Variants in ANAPC16 observed in about 807,000 individuals in gnomAD.
The protein encoded by ANAPC16 is anaphase-promoting complex subunit 16.
A neutral mutation model predicts 13.1 loss-of-function variants in ANAPC16; 6 were observed. That is an observed-to-expected ratio of 0.46 (90% CI 0.25 to 0.90). The LOEUF is 0.90. ANAPC16 is among the 40% of genes least tolerant of loss of function. ANAPC16 has a pLI of 0.18. For synonymous variants in ANAPC16, 55 were observed against 51.3 expected (o/e 1.07, Z -0.31); for missense variants, 113 against 131.1 (o/e 0.86, Z 0.67).
intron 1 of ANAPC16, among the ~76,000 whole-genome samples, chr10:72,219,334 A>G (rs1300235547): frequency 2.0e-5 from 3 of 152,164 alleles, no homozygotes; most frequent in Non-Finnish European, 2.9e-5. Flanking sequence ...GTAGTCCGGA[A>G]GATTGGATAT....
chr10:72,229,538 T>G (rs1165077255), intron 2 of ANAPC16, among the ~76,000 whole-genome samples: 1 of 152,160 alleles, frequency 6.6e-6, no homozygotes, highest in African/African-American at 2.4e-5. Flanking sequence ...CCCGTTTGTT[T>G]TAGGATTTTC....
intron 2 of ANAPC16, among the ~76,000 whole-genome samples, chr10:72,228,252 C>T (rs187652944): frequency 1.3e-4 from 20 of 152,300 alleles, no homozygotes; most frequent in Admixed American, 3.3e-4. Context: ...AGACACCTCA[C>T]ATAAGCAGCA....
chr10:72,230,841 G>A (rs754853841), intron 3 of ANAPC16, among the ~76,000 whole-genome samples: 60 of 152,022 alleles, frequency 3.9e-4, no homozygotes, highest in Non-Finnish European at 7.6e-4. Flanking sequence ...CAATGAGCCG[G>A]AATCACAGCA....
At chr10:72,220,691 A>G (rs1221530225) in intron 1 of ANAPC16, 1 of 147,536 alleles carries the variant, frequency 6.8e-6, no homozygotes, top group African/African-American at 2.6e-5. Flanking sequence ...TTTATAATAA[A>G]TATGTTCATT....
chr10:72,220,405 CTT>C (rs1470017089), intron 1 of ANAPC16: 1 of 151,266 alleles, frequency 6.6e-6, no homozygotes, highest in Non-Finnish European at 1.5e-5. Flanking sequence ...AATCCCAACA[CTT>C]TGGGAGGCCA....
intron 1 of ANAPC16, among the ~76,000 whole-genome samples, chr10:72,221,091 A>G (rs568388947): frequency 1.3e-5 from 2 of 151,980 alleles, no homozygotes; most frequent in East Asian, 1.9e-4. Flanking sequence ...TCATTTTTGT[A>G]TTTTAATAGA....
rs1224739544 is a variant in ANAPC16, at chr10:72,235,202, A to C, written c.*2086A>C. 2 of 151,316 alleles carry C rather than the reference A, an allele frequency of 1.3e-5. No individual in the cohort carries two copies. Among genetic ancestry groups the C allele is most frequent in the African/African-American group, 2.4e-5 (1 of 41,214 alleles). 9.4% of individuals were successfully genotyped at this position (151,316 alleles called of 1,614,324 possible). ...GGTGGCTCACGCCTGTAATCCCGGCACTTTGGGAGGCTGAGGCAGGCGGAT... is the reference window on the plus strand; with the variant it reads ...GGTGGCTCACGCCTGTAATCCCGGCCCTTTGGGAGGCTGAGGCAGGCGGAT... On this transcript the variant is annotated 3_prime_UTR_variant, in exon 4 of 4. Coordinates refer to ENST00000299381, the MANE Select transcript of ANAPC16 (RefSeq NM_173473.4).
intron 1 of ANAPC16, among the ~76,000 whole-genome samples, chr10:72,221,857 G>T (rs11000223): frequency 0.042 from 6,318 of 150,494 alleles, 139 homozygotes; most frequent in South Asian, 0.061. Flanking sequence ...AGCCTCTCAA[G>T]TAGCTGGGAT....
chr10:72,219,714 GA>G (rs1306491005), intron 1 of ANAPC16, among the ~76,000 whole-genome samples: 1 of 152,162 alleles, frequency 6.6e-6, no homozygotes, highest in Non-Finnish European at 1.5e-5. Context: ...TCCAGCCTGG[GA>G]AACATAGCGA....
In ANAPC16 at chr10:72,234,174, T is replaced by G. The variant is rs2133701437; in HGVS notation, c.*1058T>G. ...GGCACCCGCCACCACACCCAGCTAA[T>G]TTTTTGTATATTTAGTAGAGACGGG... On this transcript the variant is annotated 3_prime_UTR_variant, in exon 4 of 4. Coordinates refer to ENST00000299381, the MANE Select transcript of ANAPC16 (RefSeq NM_173473.4). The G allele has an allele frequency of 6.6e-6, 1 of 152,316 alleles. No individual in the cohort carries two copies. The highest frequency in any genetic ancestry group is 2.1e-4 in the South Asian group (1 of 4,824). 9.4% of individuals were successfully genotyped at this position (152,316 alleles called of 1,614,324 possible).
At chr10:72,220,337 A>AAAAAAAAAAAAAAAAAAAC (rs1859864471) in intron 1 of ANAPC16, 1 of 151,600 alleles carries the variant, frequency 6.6e-6, no homozygotes, top group African/African-American at 2.4e-5. Flanking sequence ...AAAAAAAAAA[A>AAAAAAAAAAAAAAAAAAAC]AAAAAAGAAG....
chr10:72,231,413 A>T (rs1860299037), intron 3 of ANAPC16, among the ~76,000 whole-genome samples: 1 of 152,092 alleles, frequency 6.6e-6, no homozygotes, highest in South Asian at 2.1e-4. Flanking sequence ...ATGGTGGTGC[A>T]TGCCTGTGGT....
chr10:72,219,470 T>C (rs1341674160), intron 1 of ANAPC16, among the ~76,000 whole-genome samples: 3 of 152,136 alleles, frequency 2.0e-5, no homozygotes, highest in Middle Eastern at 3.2e-3. Context: ...GCAGAGTGGC[T>C]CAGGCCTGTA....
chr10:72,233,779 G>T lies in ANAPC16; in HGVS notation c.*663G>T, dbSNP rs1176861636. On this transcript the variant is annotated 3_prime_UTR_variant, in exon 4 of 4. Coordinates refer to ENST00000299381, the MANE Select transcript of ANAPC16 (RefSeq NM_173473.4). The stretch of plus-strand genomic sequence containing the variant: ...ACAGAAATCCTGAGTTCTTCTCATT[G>T]GTGGACTCAAGCAATTCTGTAGCAA... The T allele has an allele frequency of 1.3e-5, 2 of 152,524 alleles. No homozygotes were observed. Among genetic ancestry groups the T allele is most frequent in the African/African-American group, 4.8e-5 (2 of 41,436 alleles). 9.4% of individuals were successfully genotyped at this position (152,524 alleles called of 1,614,324 possible).
intron 2 of ANAPC16, among the ~76,000 whole-genome samples, chr10:72,229,794 G>A (rs1222461430): frequency 6.6e-6 from 1 of 152,128 alleles, no homozygotes; most frequent in Non-Finnish European, 1.5e-5. Context: ...TACTCTTATC[G>A]TCATCCAAAT....
intron 1 of ANAPC16, among the ~76,000 whole-genome samples, chr10:72,222,658 T>C (rs1859985634): frequency 6.6e-6 from 1 of 152,066 alleles, no homozygotes; most frequent in Non-Finnish European, 1.5e-5. Flanking sequence ...ATGCCTGTAA[T>C]TCCAGCTACT....
Position 72,234,338 on chromosome 10 carries a change from A to G in ANAPC16, c.*1222A>G, listed in dbSNP as rs112124969. 987 of 152,106 alleles carry G rather than the reference A, an allele frequency of 6.5e-3. 16 individuals are homozygous for G. The highest frequency in any genetic ancestry group is 0.023 in the African/African-American group (945 of 41,456). 9.4% of individuals were successfully genotyped at this position (152,106 alleles called of 1,614,324 possible). ...TTTTTTAAAGAGACATGGTCTTGCT[A>G]TGTTGCCCAGGTTGGTCTTGAACTC... On this transcript the variant is annotated 3_prime_UTR_variant, in exon 4 of 4. Coordinates refer to ENST00000299381, the MANE Select transcript of ANAPC16 (RefSeq NM_173473.4).
Sources: gnomAD v4.1 joint callset for allele counts (sites outside exome capture counted in the v4.1 genomes callset) on GRCh38, gnomAD v4.1.1 for gene constraint, MANE v1.5 for transcripts, NCBI Gene and HGNC (gene_info 2026-07-23, HGNC 2026-07-21) for gene names.